The following CSMD1 variants were observed in gnomAD, a reference collection of about 807,000 sequenced individuals.
CSMD1 encodes the protein CUB and Sushi multiple domains 1.
In CSMD1, 213 loss-of-function variants were observed where a neutral mutation model predicts 417.5. The observed-to-expected ratio is 0.51, with a 90% confidence interval of 0.46 to 0.57. CSMD1 has a LOEUF of 0.57. CSMD1 is among the 20% of genes least tolerant of loss of function. The pLI is 0.00. For missense variants in CSMD1, 6,923 were observed against 4,529.7 expected, an observed-to-expected ratio of 1.53 and a Z score of -15.17; for synonymous variants, 2,862 against 1,736.8, an observed-to-expected ratio of 1.65 and a Z score of -16.11.
intron 3 of CSMD1, among the ~76,000 whole-genome samples, chr8:4,195,693 C>A (rs1003200939): frequency 6.6e-6 from 1 of 152,116 alleles, no homozygotes; most frequent in Non-Finnish European, 1.5e-5. Flanking sequence ...AAGAATTCCA[C>A]GCAGGGAGAA....
At chr8:4,831,715 C>G (rs1585176931) in intron 1 of CSMD1, among the ~76,000 whole-genome samples, 1 of 152,168 alleles carries the variant, frequency 6.6e-6, no homozygotes, top group Non-Finnish European at 1.5e-5. Flanking sequence ...TAGACATTCA[C>G]AAACACATGC....
chr8:4,732,442 T>C (rs1030330686), intron 1 of CSMD1, among the ~76,000 whole-genome samples: 1 of 151,710 alleles, frequency 6.6e-6, no homozygotes, highest in African/African-American at 2.4e-5. Context: ...TTATTCTCAC[T>C]CACAAGTGCT....
intron 26 of CSMD1, among the ~76,000 whole-genome samples, chr8:3,248,460 A>T (rs1299894994): frequency 6.6e-6 from 1 of 151,350 alleles, no homozygotes; most frequent in African/African-American, 2.4e-5. Flanking sequence ...GACAGACAAC[A>T]GGGAAAATCC....
intron 2 of CSMD1, among the ~76,000 whole-genome samples, chr8:4,473,306 T>G (rs548870973): frequency 6.6e-6 from 1 of 152,216 alleles, no homozygotes; most frequent in African/African-American, 2.4e-5. Flanking sequence ...ATGTGAGTTC[T>G]TAACACAAAA....
chr8:3,800,770 T>C (rs1800411814), intron 5 of CSMD1, among the ~76,000 whole-genome samples: 3 of 152,024 alleles, frequency 2.0e-5, no homozygotes, highest in Non-Finnish European at 2.9e-5. Flanking sequence ...TTTAAGCAAA[T>C]TCCCTCCTCA....
Position 4,131,216 on chromosome 8 carries a change from A to G in CSMD1, c.416-99117T>C, listed in dbSNP as rs982025343. ...ATAGTTAAATAGAGACGCCATTTCT[A>G]TAAGTATACGGCATGTGGTGTGGCT... On this transcript the variant is annotated intron_variant, in intron 3 of 69. Transcript: ENST00000635120. Among the ~76,000 whole-genome samples the G allele has an allele frequency of 7.2e-5, 11 of 152,334 alleles. 1 individual carries two copies. Among genetic ancestry groups the G allele is most frequent in the Admixed American group, 2.0e-4 (3 of 15,296 alleles).
intron 5 of CSMD1, among the ~76,000 whole-genome samples, chr8:3,824,031 T>C (rs1464648484): frequency 1.2e-4 from 19 of 152,270 alleles, no homozygotes; most frequent in Non-Finnish European, 1.5e-5. Context: ...ATATTCCCTC[T>C]GCCCAAAAGT....
At chr8:4,056,348 G>A (rs1389453304) in intron 3 of CSMD1, among the ~76,000 whole-genome samples, 2 of 151,084 alleles carry the variant, frequency 1.3e-5, no homozygotes, top group African/African-American at 2.4e-5. Flanking sequence ...CTCCCAAAGT[G>A]CTGGGATTAT....
chr8:3,048,480 AG>A (rs1300762712), intron 50 of CSMD1, among the ~76,000 whole-genome samples: 1 of 152,202 alleles, frequency 6.6e-6, no homozygotes, highest in African/African-American at 2.4e-5. Flanking sequence ...ACAACCCAAG[AG>A]AGTAAAGATA....
At chr8:3,753,763 A>G (rs548908557) in intron 6 of CSMD1, among the ~76,000 whole-genome samples, 167 bp downstream of exon 6, 226 of 152,358 alleles carry the variant, frequency 1.5e-3, no homozygotes, top group Non-Finnish European at 2.5e-3. Context: ...AGCTTTACTA[A>G]TAAGTTCCCA....
chr8:3,078,596 A>G (rs1179059842), intron 49 of CSMD1, among the ~76,000 whole-genome samples: 1 of 152,208 alleles, frequency 6.6e-6, no homozygotes, highest in African/African-American at 2.4e-5. Flanking sequence ...GTTTTTATAC[A>G]CAAGCTAAAA....
chr8:4,423,125 A>G (rs1030329749), intron 2 of CSMD1, among the ~76,000 whole-genome samples: 2 of 152,098 alleles, frequency 1.3e-5, no homozygotes, highest in Non-Finnish European at 2.9e-5. Context: ...GCTTCTGCCT[A>G]AGACTGGAAA....
Position 4,526,529 on chromosome 8 carries a change from C to A in CSMD1, c.303-106464G>T, listed in dbSNP as rs184585088. ...TCATGAAAAAGACAGTGGAAACCAA[C>A]TGAATTATAGAACTGTGTTGTGGTC... On this transcript the variant is annotated intron_variant, in intron 2 of 69. Transcript: ENST00000635120. 9.4e-4 allele frequency among the ~76,000 whole-genome samples: 143 copies of A among 152,318 alleles called. 1 individual carries two copies. The highest frequency in any genetic ancestry group is 3.3e-3 in the African/African-American group (137 of 41,560).
chr8:3,765,631 G>A (rs1415855631), intron 5 of CSMD1, among the ~76,000 whole-genome samples: 1 of 152,234 alleles, frequency 6.6e-6, no homozygotes, highest in Non-Finnish European at 1.5e-5. Context: ...TAAGAGAAGT[G>A]AACCCTAAGA....
chr8:3,466,025 CACT>C (rs1456671751), intron 12 of CSMD1, among the ~76,000 whole-genome samples: 1 of 152,044 alleles, frequency 6.6e-6, no homozygotes, highest in Non-Finnish European at 1.5e-5. Flanking sequence ...TTACTGTGCA[CACT>C]ATTATTTATA....
intron 3 of CSMD1, among the ~76,000 whole-genome samples, chr8:4,076,876 T>C (rs920842772): frequency 6.6e-6 from 1 of 152,166 alleles, no homozygotes; most frequent in African/African-American, 2.4e-5. Context: ...TTTTTTCCAT[T>C]ATCTTTCCAG....
chr8:3,727,019 T>A (rs1299014306), intron 6 of CSMD1, among the ~76,000 whole-genome samples: 1 of 152,174 alleles, frequency 6.6e-6, no homozygotes, highest in Non-Finnish European at 1.5e-5. Flanking sequence ...AATATTTGCA[T>A]TTATTTTCTC....
At chr8:3,382,855 G>A (rs907922344) in intron 18 of CSMD1, among the ~76,000 whole-genome samples, 1 of 151,878 alleles carries the variant, frequency 6.6e-6, no homozygotes, top group Admixed American at 6.6e-5. Context: ...ATTGATCAAT[G>A]TTTTTTCATT....
chr8:4,040,374 C>CACAA (rs2130629494), intron 3 of CSMD1, among the ~76,000 whole-genome samples: 1 of 152,198 alleles, frequency 6.6e-6, no homozygotes, highest in Non-Finnish European at 1.5e-5. Context: ...CAAACAAACA[C>CACAA]ACAAACAAAA....
Sources: gnomAD v4.1 joint callset for allele counts (sites outside exome capture counted in the v4.1 genomes callset) on GRCh38, gnomAD v4.1.1 for gene constraint, MANE v1.5 for transcripts, NCBI Gene and HGNC (gene_info 2026-07-23, HGNC 2026-07-21) for gene names.